CAMKMT: variants seen among roughly 807,000 people sequenced by gnomAD.
CAMKMT encodes the protein CaM KMT.
CAMKMT carries 53 observed loss-of-function variants against 48.0 expected under a neutral mutation model. The ratio of observed to expected loss-of-function variants is 1.10; its 90% CI spans 0.89 to 1.39. CAMKMT has a LOEUF of 1.39. CAMKMT is among the 40% of genes most tolerant of loss of function. The pLI is 0.00. For synonymous variants in CAMKMT, 165 were observed against 152.3 expected (o/e 1.08, Z -0.61); for missense variants, 428 against 402.7 (o/e 1.06, Z -0.54).
At chr2:44,687,793 C>G (rs1676420882) in intron 3 of CAMKMT, among the ~76,000 whole-genome samples, 1 of 152,226 alleles carries the variant, frequency 6.6e-6, no homozygotes, top group African/African-American at 2.4e-5. Flanking sequence ...GGTTTTGCTG[C>G]TCTGCAGCAA....
chr2:44,702,863 T>G (rs1271388212), intron 3 of CAMKMT, among the ~76,000 whole-genome samples: 1 of 152,186 alleles, frequency 6.6e-6, no homozygotes, highest in East Asian at 1.9e-4. Flanking sequence ...TCTTAGGAGT[T>G]TACTTAACAT....
At chr2:44,409,547 C>T (rs1266284479) in intron 3 of CAMKMT, among the ~76,000 whole-genome samples, 2 of 152,140 alleles carry the variant, frequency 1.3e-5, no homozygotes, top group East Asian at 1.9e-4. Context: ...ACTTCTTTGG[C>T]CTCAAAGCAT....
At position 44,362,066 on chromosome 2, in the gene CAMKMT, G is replaced by T; in HGVS notation, c.59G>T (p.Ser20Ile). The T allele has an allele frequency of 6.9e-7, 1 of 1,443,968 alleles. No homozygotes were observed. The highest frequency in any genetic ancestry group is 9.0e-7 in the Non-Finnish European group (1 of 1,106,516). 89.4% of individuals were successfully genotyped at this position (1,443,968 alleles called of 1,614,324 possible). A position where few individuals can be genotyped will look rare whatever the true frequency, so the allele number is the denominator to read the frequency against. Residue 20 changes from serine (S) to isoleucine (I), a missense_variant, in exon 1 of 11, where the codon AGT becomes ATT. By Grantham distance (142) the Ser-to-Ile change is moderately radical. Transcript: ENST00000378494. ...GAGACCGCGCGAGCAGCGGGCGGGA[G>T]TCCGGCAGTTGGCTGCACCACTCGG... ...TGETARAAGG[S>I]PAVGCTTRGP...
intron 3 of CAMKMT, among the ~76,000 whole-genome samples, chr2:44,535,146 A>G (rs1183664051): frequency 1.3e-5 from 2 of 152,156 alleles, no homozygotes; most frequent in Non-Finnish European, 2.9e-5. Context: ...TTAAAACCTT[A>G]AGGAAATGCA....
chr2:44,648,674 T>C (rs1673889521), intron 3 of CAMKMT, among the ~76,000 whole-genome samples: 1 of 152,212 alleles, frequency 6.6e-6, no homozygotes, highest in Non-Finnish European at 1.5e-5. Context: ...TAACCTTGGG[T>C]GTATTTCTTA....
chr2:44,664,928 T>C (rs1674877107), intron 3 of CAMKMT, among the ~76,000 whole-genome samples: 2 of 152,104 alleles, frequency 1.3e-5, no homozygotes, highest in Admixed American at 1.3e-4. Flanking sequence ...GCTCTGGCTG[T>C]AGAGTAGATA....
At chr2:44,388,301 A>T (rs1156566802) in intron 2 of CAMKMT, among the ~76,000 whole-genome samples, 1 of 152,074 alleles carries the variant, frequency 6.6e-6, no homozygotes, top group African/African-American at 2.4e-5. Flanking sequence ...TATTGTTGAG[A>T]CTTTCCAGAG....
At chr2:44,412,612 A>G (rs945811700) in intron 3 of CAMKMT, among the ~76,000 whole-genome samples, 1 of 152,128 alleles carries the variant, frequency 6.6e-6, no homozygotes, top group African/African-American at 2.4e-5. Flanking sequence ...CTGTGTTTAC[A>G]GGCGTGAGCC....
At position 44,538,135 on chromosome 2, in the gene CAMKMT, C is replaced by T. The variant is rs182484532; in HGVS notation, c.376+147830C>T. On this transcript the variant is annotated intron_variant, in intron 3 of 10. Coordinates refer to ENST00000378494, the MANE Select transcript of CAMKMT (RefSeq NM_024766.5). ...CTGTAATCCCAGCACTTTGGGAGAC[C>T]GAGGCGGGTGGATCACGAGGTCAGG... 2.7e-3 allele frequency among the ~76,000 whole-genome samples: 405 copies of T among 151,916 alleles called. 1 individual carries two copies. The highest frequency in any genetic ancestry group is 9.1e-3 in the African/African-American group (379 of 41,454).
intron 3 of CAMKMT, among the ~76,000 whole-genome samples, chr2:44,538,067 A>G (rs1666879567): frequency 6.6e-6 from 1 of 152,134 alleles, no homozygotes; most frequent in African/African-American, 2.4e-5. Context: ...CCACCAATCA[A>G]TGAGCAGATA....
At chr2:44,528,010 G>C (rs1666256251) in intron 3 of CAMKMT, among the ~76,000 whole-genome samples, 1 of 151,960 alleles carries the variant, frequency 6.6e-6, no homozygotes, top group Non-Finnish European at 1.5e-5. Context: ...TCACCTATTC[G>C]TTCCTTGTAG....
chr2:44,642,600 TTA>T (rs1385642889), intron 3 of CAMKMT, among the ~76,000 whole-genome samples: 1 of 152,206 alleles, frequency 6.6e-6, no homozygotes, highest in African/African-American at 2.4e-5. Flanking sequence ...GTGTGTGACT[TTA>T]TGAGAAGTAT....
chr2:44,415,400 T>C (rs1033575264), intron 3 of CAMKMT, among the ~76,000 whole-genome samples: 1 of 152,246 alleles, frequency 6.6e-6, no homozygotes, highest in Non-Finnish European at 1.5e-5. Context: ...AGAGGTTAAA[T>C]GTTTTTTTTG....
intron 2 of CAMKMT, among the ~76,000 whole-genome samples, chr2:44,384,323 G>T (rs1438405528): frequency 2.6e-5 from 4 of 151,788 alleles, no homozygotes; most frequent in African/African-American, 4.8e-5. Context: ...TGATGGGATT[G>T]TTTGTTTTTT....
intron 3 of CAMKMT, among the ~76,000 whole-genome samples, chr2:44,513,094 T>C (rs1345391982): frequency 1.3e-5 from 2 of 152,212 alleles, no homozygotes; most frequent in Non-Finnish European, 2.9e-5. Flanking sequence ...TGTATGTGTT[T>C]ATTTTCACAT....
rs543598849 is a variant in CAMKMT at position 44,405,446 on chromosome 2, G to A, written c.376+15141G>A. On this transcript the variant is annotated intron_variant, in intron 3 of 10. Coordinates refer to ENST00000378494, the MANE Select transcript of CAMKMT (RefSeq NM_024766.5). ...TTAGGTGTTGAGTAATGCATAAAATGTAATTTCATTTTAATAAAAAGAAGC... is the reference window on the plus strand; with the variant it reads ...TTAGGTGTTGAGTAATGCATAAAATATAATTTCATTTTAATAAAAAGAAGC... 2.6e-5 allele frequency among the ~76,000 whole-genome samples: 4 copies of A among 152,170 alleles called. No homozygotes were observed. The South Asian group carries it at 8.3e-4, about 32-fold the overall frequency.
chr2:44,368,924 C>G (rs1678891992), intron 1 of CAMKMT, among the ~76,000 whole-genome samples: 1 of 152,108 alleles, frequency 6.6e-6, no homozygotes, highest in Admixed American at 6.6e-5. Context: ...CGCTGGAGTG[C>G]AGTAGTGCAG....
intron 3 of CAMKMT, among the ~76,000 whole-genome samples, chr2:44,667,703 C>T (rs1466632729): frequency 6.6e-6 from 1 of 152,146 alleles, no homozygotes; most frequent in Non-Finnish European, 1.5e-5. Context: ...CACCAATAAC[C>T]ACACCACCTC....
intron 3 of CAMKMT, among the ~76,000 whole-genome samples, chr2:44,675,079 G>T (rs990472588): frequency 2.9e-5 from 4 of 139,022 alleles, no homozygotes; most frequent in Admixed American, 7.4e-5. Context: ...CCAACCTTAA[G>T]GGGGGGAAAA....
Sources: gnomAD v4.1 joint callset for allele counts (sites outside exome capture counted in the v4.1 genomes callset) on GRCh38, gnomAD v4.1.1 for gene constraint, MANE v1.5 for transcripts, NCBI Gene and HGNC (gene_info 2026-07-23, HGNC 2026-07-21) for gene names.